MGA: variants seen among roughly 807,000 people sequenced by gnomAD.
MGA encodes MAX gene-associated protein.
In MGA, 40 loss-of-function variants were observed where a neutral mutation model predicts 261.1. The ratio of observed to expected loss-of-function variants is 0.15; its 90% CI spans 0.12 to 0.20. The LOEUF (loss-of-function observed/expected upper bound fraction) is 0.20, where lower values mean the gene tolerates loss of function less well. Among genes scored for constraint, MGA ranks in the 10% least tolerant of loss-of-function variants. The probability of loss-of-function intolerance (pLI) is 1.00; values close to 1 mark genes in which losing one functional copy is unlikely to be tolerated. For synonymous variants in MGA, 1,302 were observed against 1,290.6 expected, an observed-to-expected ratio of 1.01 and a Z score of -0.19; for missense variants, 3,397 against 3,630.5, an observed-to-expected ratio of 0.94 and a Z score of 1.65.
chr15:41,642,560 T>A (rs2056844124), intron 1 of MGA, among the ~76,000 whole-genome samples: 1 of 152,130 alleles, frequency 6.6e-6, no homozygotes, highest in South Asian at 2.1e-4. Context: ...CTCAGCTCAC[T>A]GCAACCTCCG....
intron 1 of MGA, among the ~76,000 whole-genome samples, chr15:41,624,659 G>C (rs1056798916): frequency 6.6e-6 from 1 of 152,038 alleles, no homozygotes; most frequent in Non-Finnish European, 1.5e-5. Flanking sequence ...TAGTAGAGAC[G>C]GGGTTTCACC....
At chr15:41,685,720 G>A (rs1370071970) in intron 2 of MGA, among the ~76,000 whole-genome samples, 2 of 152,056 alleles carry the variant, frequency 1.3e-5, no homozygotes, top group African/African-American at 2.4e-5. Flanking sequence ...TTGGCTGGAC[G>A]TGGTGGCTCA....
rs749673234 is a variant in MGA at position 41,713,267 on chromosome 15, A to G, written c.3201A>G (p.Gln1067=). Residue 1067 remains glutamine, a synonymous_variant, in exon 9 of 24, where the codon CAA becomes CAG. Coordinates refer to ENST00000219905, the MANE Select transcript of MGA (RefSeq NM_001164273.2). ...CCAGTCTAGCTTTGGAGAAGCGCCAACCTGCTCACTGCCGCCGACCAGACT... is the reference window on the plus strand; with the variant it reads ...CCAGTCTAGCTTTGGAGAAGCGCCAGCCTGCTCACTGCCGCCGACCAGACT... The G allele has an allele frequency of 3.0e-5, 48 of 1,613,848 alleles. No homozygotes were observed. Among genetic ancestry groups the G allele is most frequent in the Admixed American group, 2.3e-4 (14 of 59,994 alleles).
intron 5 of MGA, among the ~76,000 whole-genome samples, chr15:41,706,259 A>G (rs568153776): frequency 1.3e-5 from 2 of 151,792 alleles, no homozygotes; most frequent in African/African-American, 2.4e-5. Context: ...AAAATGAATA[A>G]ATAAATATGT....
chr15:41,666,422 C>G (rs970602273), intron 1 of MGA, among the ~76,000 whole-genome samples: 2 of 151,924 alleles, frequency 1.3e-5, no homozygotes, highest in Non-Finnish European at 2.9e-5. Flanking sequence ...CTGTCTATTT[C>G]TTTGATTTTA....
chr15:41,736,075 G>GA, intron 12 of MGA, 106 bp from the exon 13 acceptor site: 1 of 1,030,216 alleles, frequency 9.7e-7, no homozygotes, highest in Non-Finnish European at 1.4e-6. Flanking sequence ...TTACTACTGT[G>GA]AAAGAACGTG....
chr15:41,761,278 G>A (rs1214359041), intron 20 of MGA, among the ~76,000 whole-genome samples: 1 of 152,216 alleles, frequency 6.6e-6, no homozygotes, highest in Non-Finnish European at 1.5e-5. Context: ...ATATTCAAGG[G>A]AGCAGAAGTT....
intron 7 of MGA, among the ~76,000 whole-genome samples, chr15:41,709,830 C>CT (rs1186921703): frequency 1.9e-4 from 15 of 79,306 alleles, no homozygotes; most frequent in East Asian, 1.0e-3. Flanking sequence ...CTTTTCTTTT[C>CT]TTTTTTTTTG....
At chr15:41,699,215 G>T in intron 5 of MGA, 56 bp downstream of exon 5, 8 of 1,138,966 alleles carry the variant, frequency 7.0e-6, no homozygotes, top group African/African-American at 1.6e-5. Flanking sequence ...CTTCCCTACT[G>T]TTTCTCCTCT....
Position 41,696,776 on chromosome 15 carries a change from C to T in MGA, c.1766C>T (p.Thr589Ile), listed in dbSNP as rs373380694. Residue 589 changes from threonine (T) to isoleucine (I), a missense_variant, in exon 3 of 24, where the codon ACT (threonine) becomes ATT (isoleucine). Around this residue, in one of 9 missense-constraint regions of MGA, gnomAD observed 563 missense variants for 563.6 expected, o/e 1.00. Coordinates refer to ENST00000219905, the MANE Select transcript of MGA (RefSeq NM_001164273.2). ...GAGGACTTGGGCAGAAAGAGAACAA[C>T]TATGCTTAAGATTGCAACAGCCGCA... 4.2e-5 allele frequency: 67 copies of T among 1,608,114 alleles called. No homozygotes were observed. The highest frequency in any genetic ancestry group is 5.5e-5 in the Non-Finnish European group (65 of 1,177,200).
intron 5 of MGA, among the ~76,000 whole-genome samples, chr15:41,700,184 A>G (rs1333270722): frequency 2.0e-5 from 3 of 151,524 alleles, no homozygotes; most frequent in Non-Finnish European, 2.9e-5. Flanking sequence ...AGCTGGGACT[A>G]CAGGCGCCTG....
At chr15:41,745,290 A>T (rs1326739664) in intron 15 of MGA, among the ~76,000 whole-genome samples, 4 of 140,190 alleles carry the variant, frequency 2.9e-5, no homozygotes, top group East Asian at 3.9e-4. Flanking sequence ...ATAAAAAAAA[A>T]AAAAAAAAAA....
At chr15:41,679,495 T>C (rs893086730) in intron 2 of MGA, among the ~76,000 whole-genome samples, 132 of 152,368 alleles carry the variant, frequency 8.7e-4, no homozygotes, top group African/African-American at 3.1e-3. Context: ...TGGTTTTCAA[T>C]GTAAAAGTGT....
rs190366897 is a variant in MGA, at chr15:41,707,919, A to G, written c.2320+60A>G. The G allele has an allele frequency of 1.8e-5, 28 of 1,563,140 alleles. No homozygotes were observed. The Admixed American group carries it at 4.1e-4, about 23-fold the overall frequency. On this transcript the variant is annotated intron_variant, in intron 6 of 23. Transcript: ENST00000219905. Reference sequence around the variant, plus strand: ...TTTTCTTGAAGTTTACGTTATTTGTAACGTAAGTAAAAAGCTACCTTTATT... The same window carrying G: ...TTTTCTTGAAGTTTACGTTATTTGTGACGTAAGTAAAAAGCTACCTTTATT...
rs1567118041 is a variant in MGA, at chr15:41,766,982, T to C, written c.8900T>C (p.Leu2967Pro). Reference sequence around the variant, plus strand: ...GAAAGTGTGTCCTCACCCCCCACCCTACACATGAAGACTGGCTTGGAGAAC... The same window carrying C: ...GAAAGTGTGTCCTCACCCCCCACCCCACACATGAAGACTGGCTTGGAGAAC... Residue 2967 changes from leucine (L) to proline (P), a missense_variant, in exon 24 of 24, where the codon CTA becomes CCA. Physicochemically the swap from Leu to Pro is moderately conservative, Grantham distance 98 (BLOSUM62 -3). Around this residue, in one of 9 missense-constraint regions of MGA, gnomAD observed 647 missense variants for 642.4 expected, o/e 1.01. Coordinates refer to ENST00000219905, the MANE Select transcript of MGA (RefSeq NM_001164273.2). 2 of 1,613,996 alleles carry C rather than the reference T, an allele frequency of 1.2e-6. No individual in the cohort carries two copies. Among genetic ancestry groups the C allele is most frequent in the Non-Finnish European group, 1.7e-6 (2 of 1,179,884 alleles).
chr15:41,736,160 T>A (rs1488870287), intron 12 of MGA, 21 bp from the exon 13 acceptor site: 2 of 1,475,028 alleles, frequency 1.4e-6, no homozygotes, highest in Admixed American at 4.9e-5. Context: ...CTTTTTCTTT[T>A]TTATTATTAT....
At chr15:41,679,288 G>A (rs2058545598) in intron 2 of MGA, among the ~76,000 whole-genome samples, 1 of 152,080 alleles carries the variant, frequency 6.6e-6, no homozygotes, top group Admixed American at 6.6e-5. Flanking sequence ...GCCCGCCTTG[G>A]CCTCCCAAAG....
Position 41,749,564 on chromosome 15 carries a change from G to A in MGA, c.5957G>A (p.Arg1986Lys). 1 of 1,613,964 alleles carries A rather than the reference G, an allele frequency of 6.2e-7. No individual in the cohort carries two copies. Among genetic ancestry groups the A allele is most frequent in the Non-Finnish European group, 8.5e-7 (1 of 1,179,894 alleles). ...AAAGATGAAACAAACTCAATAAAAAGAGAGCAAGAAACGAAGAAGGTTCTA... is the reference window on the plus strand; with the variant it reads ...AAAGATGAAACAAACTCAATAAAAAAAGAGCAAGAAACGAAGAAGGTTCTA... The change falls in exon 17 of 24, where the codon AGA becomes AAA. Residue 1986 changes from arginine (R) to lysine (K), a missense_variant. Transcript: ENST00000219905.
intron 1 of MGA, among the ~76,000 whole-genome samples, chr15:41,647,684 A>C (rs983269693): frequency 1.3e-5 from 2 of 152,036 alleles, no homozygotes; most frequent in Non-Finnish European, 2.9e-5. Flanking sequence ...ATTTTACTCT[A>C]CATTTTTGGG....
Sources: allele counts gnomAD v4.1 joint callset (sites outside exome capture counted in the v4.1 genomes callset), GRCh38; gene constraint gnomAD v4.1.1; regional missense constraint gnomAD v4.1.1; transcripts MANE v1.5; gene names NCBI Gene and HGNC (gene_info 2026-07-23, HGNC 2026-07-21).